The following SGCD variants were observed in gnomAD, a reference collection of about 807,000 sequenced individuals.
SGCD encodes the protein sarcoglycan delta.
A neutral mutation model predicts 36.6 loss-of-function variants in SGCD; 18 were observed. The observed-to-expected ratio is 0.49, with a 90% CI of 0.34 to 0.73. The LOEUF is 0.73. SGCD is among the 30% of genes least tolerant of loss of function. The pLI is 0.01. For missense variants in SGCD, 387 were observed against 346.7 expected (o/e 1.12, Z -0.92); for synonymous variants, 133 against 130.6 (o/e 1.02, Z -0.12).
chr5:156,026,731 A>T (rs958832469), intron 1 of SGCD, among the ~76,000 whole-genome samples: 14 of 152,150 alleles, frequency 9.2e-5, no homozygotes, highest in African/African-American at 3.4e-4. Context: ...TCCCCAGGTA[A>T]TCCCTCAGAT....
rs80219158 is a variant in SGCD, at chr5:156,375,353, A to G, written c.192+30676A>G. Among the ~76,000 whole-genome samples, 1,376 of 146,630 alleles carry G rather than the reference A, an allele frequency of 9.4e-3. 21 individuals are homozygous for G. The highest frequency in any genetic ancestry group is 0.033 in the African/African-American group (1,292 of 39,672). On this transcript the variant is annotated intron_variant, in intron 3 of 8. Transcript: ENST00000337851. ...AATTCTATTATCTGATCCACAGTCC[A>G]TTTTCAGATTTTGTCAGTTGCCCCA...
At chr5:156,340,291 C>G (rs80146179) in intron 2 of SGCD, among the ~76,000 whole-genome samples, 13,800 of 152,230 alleles carry the variant, frequency 0.091, 826 homozygotes, top group Middle Eastern at 0.19. Context: ...AAACTTTTGA[C>G]TAGCTTCTGT....
intron 1 of SGCD, among the ~76,000 whole-genome samples, chr5:156,028,027 C>T (rs1019343333): frequency 6.6e-6 from 1 of 152,166 alleles, no homozygotes; most frequent in South Asian, 2.1e-4. Context: ...TCCTAAAGGT[C>T]CCACCTTACT....
intron 3 of SGCD, among the ~76,000 whole-genome samples, chr5:156,239,682 T>C (rs1765260996): frequency 1.3e-5 from 2 of 152,328 alleles, no homozygotes; most frequent in South Asian, 4.1e-4. Flanking sequence ...TACTGCTACA[T>C]AGAGCTACTG....
At position 156,410,500 on chromosome 5, in the gene SGCD, A is replaced by G. The variant is rs566641264; in HGVS notation, c.192+65823A>G. Among the ~76,000 whole-genome samples the G allele has an allele frequency of 3.2e-3, 488 of 152,340 alleles. 2 individuals are homozygous for G. The highest frequency in any genetic ancestry group is 4.6e-3 in the Non-Finnish European group (314 of 68,026). On this transcript the variant is annotated intron_variant, in intron 3 of 8. Coordinates refer to ENST00000337851, the MANE Select transcript of SGCD (RefSeq NM_000337.6). ...ATATACCCATGTAACAAACCTGCAC[A>G]TGTACCTTCTGAATCTAAAATGAAA...
At chr5:156,108,608 A>G (rs1761707628) in intron 1 of SGCD, among the ~76,000 whole-genome samples, 2 of 152,172 alleles carry the variant, frequency 1.3e-5, no homozygotes, top group African/African-American at 4.8e-5. Flanking sequence ...AAACAGCCAT[A>G]TAAAACTCCT....
intron 3 of SGCD, among the ~76,000 whole-genome samples, chr5:156,196,659 T>C (rs1156291076): frequency 1.3e-5 from 2 of 152,224 alleles, no homozygotes; most frequent in Non-Finnish European, 2.9e-5. Flanking sequence ...CACTAGTGGA[T>C]ATTTGGCCTT....
chr5:156,750,515 T>C (rs536733740), intron 7 of SGCD, among the ~76,000 whole-genome samples: 2 of 152,022 alleles, frequency 1.3e-5, no homozygotes, highest in East Asian at 1.9e-4. Context: ...CTGTCTCTAC[T>C]AAAAATACAA....
At chr5:155,801,813 A>G in the SGCD span, among the ~76,000 whole-genome samples, 10 of 152,352 alleles carry the variant, frequency 6.6e-5, no homozygotes, top group Admixed American at 3.9e-4. Flanking sequence ...ACTGACTCAC[A>G]TTAATCAACT....
intron 3 of SGCD, among the ~76,000 whole-genome samples, chr5:156,208,096 C>T (rs1386268952): frequency 1.3e-5 from 2 of 152,076 alleles, no homozygotes; most frequent in East Asian, 1.9e-4. Flanking sequence ...TTCTAAAATA[C>T]AAGTTATAGT....
At chr5:156,205,636 C>T (rs545616121) in intron 3 of SGCD, among the ~76,000 whole-genome samples, 41 of 152,144 alleles carry the variant, frequency 2.7e-4, no homozygotes, top group Middle Eastern at 6.8e-3. Flanking sequence ...TAGACTATAT[C>T]TTCTGAAAGT....
At chr5:156,506,383 A>C (rs1002072043) in intron 3 of SGCD, among the ~76,000 whole-genome samples, 3 of 151,942 alleles carry the variant, frequency 2.0e-5, no homozygotes, top group South Asian at 2.1e-4. Flanking sequence ...ACACACACAC[A>C]CCCCTTATTT....
chr5:156,070,420 T>A (rs182182986), intron 1 of SGCD, among the ~76,000 whole-genome samples: 1 of 151,412 alleles, frequency 6.6e-6, no homozygotes, highest in African/African-American at 2.5e-5. Flanking sequence ...TCTGTTTATA[T>A]GCTGGATTAC....
intron 1 of SGCD, among the ~76,000 whole-genome samples, chr5:156,069,683 G>A (rs1481507590): frequency 6.6e-6 from 1 of 151,172 alleles, no homozygotes; most frequent in Non-Finnish European, 1.5e-5. Context: ...AGCTTGATGG[G>A]GATGGCATTG....
At chr5:156,236,650 G>A (rs1019397866) in intron 3 of SGCD, among the ~76,000 whole-genome samples, 6 of 151,578 alleles carry the variant, frequency 4.0e-5, no homozygotes, top group Admixed American at 6.6e-5. Flanking sequence ...GGGTTTCACC[G>A]TGTTAGCCAG....
At chr5:156,589,694 C>G (rs1035156101) in intron 5 of SGCD, among the ~76,000 whole-genome samples, 1 of 152,204 alleles carries the variant, frequency 6.6e-6, no homozygotes, top group Non-Finnish European at 1.5e-5. Context: ...AATGCAGTAT[C>G]TATAAAGCCA....
the SGCD span, among the ~76,000 whole-genome samples, chr5:155,804,466 C>G: frequency 6.6e-6 from 1 of 152,184 alleles, no homozygotes; most frequent in Non-Finnish European, 1.5e-5. Context: ...GGTTTTGAAT[C>G]TTCACCTTTA....
At chr5:156,274,341 A>G (rs1766261180) in intron 3 of SGCD, among the ~76,000 whole-genome samples, 1 of 152,152 alleles carries the variant, frequency 6.6e-6, no homozygotes, top group African/African-American at 2.4e-5. Flanking sequence ...TACAATGGGA[A>G]TAATTAGTCC....
At chr5:156,381,503 T>G (rs890301140) in intron 3 of SGCD, among the ~76,000 whole-genome samples, 3 of 152,188 alleles carry the variant, frequency 2.0e-5, no homozygotes, top group African/African-American at 7.2e-5. Context: ...TTGTTATCAT[T>G]CATCCATAAG....
Sources: allele counts gnomAD v4.1 joint callset (sites outside exome capture counted in the v4.1 genomes callset), GRCh38; gene constraint gnomAD v4.1.1; transcripts MANE v1.5; gene names NCBI Gene and HGNC (gene_info 2026-07-23, HGNC 2026-07-21).